Variants in TMEM232 observed in about 807,000 individuals in gnomAD.
TMEM232 encodes the protein transmembrane protein 232.
In TMEM232, 80 loss-of-function variants were observed where a neutral mutation model predicts 78.8. The ratio of observed to expected loss-of-function variants is 1.01; its 90% CI spans 0.85 to 1.22. The LOEUF (loss-of-function observed/expected upper bound fraction) is 1.22. TMEM232 is among the 50% of genes most tolerant of loss of function. TMEM232 has a pLI of 0.00. For missense variants in TMEM232, 881 were observed against 742.2 expected (o/e 1.19, Z -2.17); for synonymous variants, 297 against 254.3 (o/e 1.17, Z -1.60).
At chr5:110,440,788 A>T (rs189052673) in intron 12 of TMEM232, among the ~76,000 whole-genome samples, 1 of 152,122 alleles carries the variant, frequency 6.6e-6, no homozygotes, top group Admixed American at 6.6e-5. Flanking sequence ...GCTGCTTTTG[A>T]GTCCAATGCC....
chr5:110,632,306 C>T (rs1253003792), intron 5 of TMEM232, among the ~76,000 whole-genome samples: 4 of 151,782 alleles, frequency 2.6e-5, no homozygotes, highest in Admixed American at 6.6e-5. Flanking sequence ...ATGAGATACA[C>T]AGTTTACACA....
At chr5:110,556,115 A>G (rs560893785) in intron 11 of TMEM232, among the ~76,000 whole-genome samples, 2 of 152,134 alleles carry the variant, frequency 1.3e-5, no homozygotes, top group Admixed American at 1.3e-4. Flanking sequence ...TGTAGTGCCC[A>G]GTAACAGTCT....
intron 11 of TMEM232, among the ~76,000 whole-genome samples, chr5:110,532,939 G>A (rs746202941): frequency 2.6e-5 from 4 of 152,040 alleles, no homozygotes. Flanking sequence ...CATTTTACCT[G>A]TCCTAAAACC....
At chr5:110,602,341 T>C (rs1052816773) in intron 10 of TMEM232, among the ~76,000 whole-genome samples, 2 of 151,880 alleles carry the variant, frequency 1.3e-5, no homozygotes, top group African/African-American at 4.8e-5. Context: ...AAAGAAACTA[T>C]CATCAGAGTG....
At chr5:110,671,222 T>C (rs1791310623) in intron 1 of TMEM232, among the ~76,000 whole-genome samples, 1 of 152,150 alleles carries the variant, frequency 6.6e-6, no homozygotes, top group African/African-American at 2.4e-5. Context: ...CCAGTTAGAA[T>C]GGTGATCATT....
At chr5:110,407,882 TACAG>T (rs1205333656) in intron 2 of TMEM232, among the ~76,000 whole-genome samples, 1 of 152,012 alleles carries the variant, frequency 6.6e-6, no homozygotes, top group Non-Finnish European at 1.5e-5. Flanking sequence ...CCTTGGAAAA[TACAG>T]ACAAGATTAG....
intron 4 of TMEM232, among the ~76,000 whole-genome samples, chr5:110,639,907 C>G (rs1047954270): frequency 2.0e-5 from 3 of 152,190 alleles, no homozygotes; most frequent in African/African-American, 4.8e-5. Flanking sequence ...CAGTAATGCT[C>G]GCTCCCTGGC....
upstream of TMEM232, among the ~76,000 whole-genome samples, chr5:110,730,704 A>C (rs140964787): frequency 4.6e-3 from 704 of 152,280 alleles, 6 homozygotes; most frequent in African/African-American, 0.016. Flanking sequence ...CATCACGAGA[A>C]TAGCACAGGA....
chr5:110,499,633 C>A (rs200292540), intron 12 of TMEM232, among the ~76,000 whole-genome samples: 1 of 113,202 alleles, frequency 8.8e-6, no homozygotes, highest in African/African-American at 4.8e-5. Flanking sequence ...ATACACCCCC[C>A]CCCACACACA....
upstream of TMEM232, among the ~76,000 whole-genome samples, chr5:110,727,902 G>A (rs962239213): frequency 3.9e-5 from 6 of 152,144 alleles, no homozygotes; most frequent in Non-Finnish European, 8.8e-5. Flanking sequence ...AATATCAACA[G>A]TGCTTACCAT....
intron 12 of TMEM232, among the ~76,000 whole-genome samples, chr5:110,499,627 A>ACCCCCCC (rs140788823): frequency 8.4e-6 from 1 of 119,496 alleles, no homozygotes; most frequent in African/African-American, 4.5e-5. Context: ...ATATGTATAC[A>ACCCCCCC]CCCCCCCCCA....
chr5:110,528,669 G>A lies in TMEM232; in HGVS notation c.1622C>T (p.Pro541Leu). The change falls in exon 12 of 14, where the codon CCA (proline) becomes CTA (leucine). Residue 541 changes from proline to leucine, a missense_variant. By Grantham distance (98) the Pro-to-Leu change is moderately conservative (BLOSUM62 -3). Coordinates refer to ENST00000455884, the MANE Select transcript of TMEM232 (RefSeq NM_001039763.4). The stretch of plus-strand genomic sequence containing the variant: ...TTTTGTTTGATCCTTTTTTATTGAT[G>A]GTTTCTTCAAAGGAAGAAAATGGGC... ...IEAHFLPLKK[P>L]SIKKDQTKYP... is the part of the protein sequence containing the mutation. The A allele has an allele frequency of 6.5e-7, 1 of 1,534,796 alleles. No individual in the cohort carries two copies. Among genetic ancestry groups the A allele is most frequent in the African/African-American group, 1.4e-5 (1 of 73,062 alleles).
chr5:110,602,614 A>C (rs191837357), intron 10 of TMEM232, among the ~76,000 whole-genome samples: 3 of 152,326 alleles, frequency 2.0e-5, no homozygotes, highest in Non-Finnish European at 2.9e-5. Flanking sequence ...TACCACTTAG[A>C]ATGGCGATCA....
At chr5:110,593,796 C>T (rs1779822184) in intron 10 of TMEM232, among the ~76,000 whole-genome samples, 1 of 151,978 alleles carries the variant, frequency 6.6e-6, no homozygotes. Context: ...ATTTCTTGTA[C>T]TTTTACAAAT....
At chr5:110,662,993 T>C (rs909116364) in intron 2 of TMEM232, among the ~76,000 whole-genome samples, 15 of 152,112 alleles carry the variant, frequency 9.9e-5, no homozygotes, top group Admixed American at 6.6e-4. Flanking sequence ...AATTAATAAG[T>C]TCTAGTCACT....
rs143618551 is a variant in TMEM232 at position 110,530,638 on chromosome 5, T to C, written c.1456-1803A>G. 2.3e-3 allele frequency among the ~76,000 whole-genome samples: 345 copies of C among 152,230 alleles called. 2 individuals carry two copies. Among genetic ancestry groups the C allele is most frequent in the African/African-American group, 7.9e-3 (327 of 41,542 alleles). On this transcript the variant is annotated intron_variant, in intron 11 of 13. Transcript: ENST00000455884. Reference sequence around the variant, plus strand: ...AATAAACCAGGCACAGAAAGACAAATACCACATGATCTCACTTACATGTAA... The same window carrying C: ...AATAAACCAGGCACAGAAAGACAAACACCACATGATCTCACTTACATGTAA...
chr5:110,655,842 T>C (rs1389261377), intron 2 of TMEM232, among the ~76,000 whole-genome samples: 1 of 138,838 alleles, frequency 7.2e-6, no homozygotes, highest in African/African-American at 2.7e-5. Flanking sequence ...CACTCATAGA[T>C]GGGAATGGAA....
chr5:110,651,437 A>C (rs573603602), intron 2 of TMEM232, among the ~76,000 whole-genome samples: 2 of 149,166 alleles, frequency 1.3e-5, no homozygotes, highest in African/African-American at 4.9e-5. Context: ...GAAGGAAGGG[A>C]AGGGGAGGAA....
At chr5:110,690,889 C>T (rs1794035620) in intron 1 of TMEM232, among the ~76,000 whole-genome samples, 1 of 152,058 alleles carries the variant, frequency 6.6e-6, no homozygotes. Context: ...AAACCAAACA[C>T]CACATGTTCT....
Sources: allele counts gnomAD v4.1 joint callset (sites outside exome capture counted in the v4.1 genomes callset), GRCh38; gene constraint gnomAD v4.1.1; transcripts MANE v1.5; gene names NCBI Gene and HGNC (gene_info 2026-07-23, HGNC 2026-07-21).